FBP1: variants seen among roughly 807,000 people sequenced by gnomAD.
FBP1 encodes fructose-1,6-bisphosphatase 1.
A neutral mutation model predicts 29.9 loss-of-function variants in FBP1; 22 were observed. The observed-to-expected ratio is 0.74, with a 90% confidence interval of 0.53 to 1.05. The LOEUF is 1.05. FBP1 is among the 50% of genes least tolerant of loss of function. The pLI is 0.00. For synonymous variants in FBP1, 175 were observed against 178.6 expected, an observed-to-expected ratio of 0.98 and a Z score of 0.16; for missense variants, 345 against 448.2, an observed-to-expected ratio of 0.77 and a Z score of 2.08.
chr9:94,606,851 G>A lies in FBP1; in HGVS notation c.669C>T (p.Ala223=), dbSNP rs923972304. The part of the protein sequence containing the change: ...NEGYARDFDP[A]VTEYIQRKKF... ...TCTTCCTCTGGATGTACTCAGTGAC[G>A]GCAGGGTCAAAGTCCCTGGCGTAGC... is the stretch of plus-strand genomic sequence containing the variant. The change falls in exon 5 of 7, where the codon GCC becomes GCT. Residue 223 remains alanine (A), a synonymous_variant. Transcript: ENST00000375326. The A allele has an allele frequency of 1.1e-5, 18 of 1,613,844 alleles. No homozygotes were observed. Among genetic ancestry groups the A allele is most frequent in the Middle Eastern group, 3.3e-4 (2 of 6,064 alleles).
chr9:94,629,337 C>T (rs1828070121), intron 1 of FBP1, among the ~76,000 whole-genome samples: 1 of 152,090 alleles, frequency 6.6e-6, no homozygotes, highest in Admixed American at 6.5e-5. Context: ...CTGCTCGTGC[C>T]CTTCACAGAT....
At chr9:94,621,074 T>G (rs1430110574) in intron 1 of FBP1, among the ~76,000 whole-genome samples, 7 of 150,278 alleles carry the variant, frequency 4.7e-5, no homozygotes, top group African/African-American at 1.7e-4. Flanking sequence ...AGTAGCCGGG[T>G]GTGGTGGTGG....
At chr9:94,633,476 AC>A (rs928388270) in intron 1 of FBP1, among the ~76,000 whole-genome samples, 3 of 151,994 alleles carry the variant, frequency 2.0e-5, no homozygotes, top group African/African-American at 7.3e-5. Context: ...TCCCCAATGT[AC>A]CCACAATTTC....
At chr9:94,610,197 A>G (rs921536272) in intron 3 of FBP1, 136 bp from the exon 4 acceptor site, 2 of 835,520 alleles carry the variant, frequency 2.4e-6, no homozygotes, top group Non-Finnish European at 3.9e-6. Context: ...GCCTTCCCCT[A>G]CACATCAGCA....
At chr9:94,639,570 C>G (rs931222153), upstream of FBP1, 1 of 577,876 alleles carries the variant, frequency 1.7e-6, no homozygotes, top group Non-Finnish European at 3.1e-6. Context: ...GGTCGGCCCC[C>G]CGCCCCCGGG....
At chr9:94,639,692 G>T (rs1828257166), upstream of FBP1, among the ~76,000 whole-genome samples, 1 of 117,628 alleles carries the variant, frequency 8.5e-6, no homozygotes, top group East Asian at 2.7e-4. Flanking sequence ...GCCCCCACGC[G>T]CCCTGCCGCC....
chr9:94,630,722 C>A (rs192676874), intron 1 of FBP1, among the ~76,000 whole-genome samples: 4 of 152,184 alleles, frequency 2.6e-5, no homozygotes, highest in African/African-American at 9.7e-5. Flanking sequence ...CACAACCATG[C>A]GGAGAAGCAA....
intron 5 of FBP1, 78 bp downstream of exon 5, chr9:94,606,737 G>T: frequency 2.8e-6 from 4 of 1,442,346 alleles, no homozygotes; most frequent in Non-Finnish European, 3.8e-6. Flanking sequence ...TCATCTCCGG[G>T]GGATGCCCCT....
chr9:94,625,566 C>A (rs963690466), intron 1 of FBP1, among the ~76,000 whole-genome samples: 2 of 152,116 alleles, frequency 1.3e-5, no homozygotes, highest in South Asian at 2.1e-4. Flanking sequence ...GAGGCCGAGG[C>A]GAGCGGATCA....
At chr9:94,639,030 G>C in intron 1 of FBP1, 111 bp downstream of exon 1, 1 of 1,084,308 alleles carries the variant, frequency 9.2e-7, no homozygotes, top group Non-Finnish European at 1.4e-6. Flanking sequence ...GACATCAGAC[G>C]GACAGACAGA....
At chr9:94,629,856 G>T (rs1828077256) in intron 1 of FBP1, among the ~76,000 whole-genome samples, 1 of 152,208 alleles carries the variant, frequency 6.6e-6, no homozygotes, top group South Asian at 2.1e-4. Context: ...AGAGGCCTGG[G>T]CCCAACCTGC....
At chr9:94,615,961 G>A (rs1827856090) in intron 3 of FBP1, among the ~76,000 whole-genome samples, 1 of 151,786 alleles carries the variant, frequency 6.6e-6, no homozygotes, top group Admixed American at 6.6e-5. Context: ...CTGAGTACCT[G>A]GGACTACAGG....
intron 1 of FBP1, among the ~76,000 whole-genome samples, chr9:94,632,838 G>A (rs1828124058): frequency 1.3e-5 from 2 of 152,204 alleles, no homozygotes; most frequent in Admixed American, 6.5e-5. Flanking sequence ...CCTCACAGAC[G>A]TTGAATGGCA....
intron 1 of FBP1, among the ~76,000 whole-genome samples, chr9:94,637,147 C>G (rs1259553363): frequency 6.6e-6 from 1 of 152,116 alleles, no homozygotes; most frequent in Non-Finnish European, 1.5e-5. Context: ...CCAGAGGCAA[C>G]AGTAATGGAG....
At chr9:94,618,461 A>T (rs1013767938) in intron 2 of FBP1, among the ~76,000 whole-genome samples, 1,741 of 15,560 alleles carry the variant, frequency 0.11, 24 homozygotes, top group South Asian at 0.2. Flanking sequence ...TCTGTAAAAA[A>T]AAAAAAAAAA....
intron 3 of FBP1, among the ~76,000 whole-genome samples, chr9:94,612,875 C>A (rs777808385): frequency 6.6e-6 from 1 of 152,140 alleles, no homozygotes; most frequent in African/African-American, 2.4e-5. Flanking sequence ...CTCAGCAATG[C>A]ATGCCTTTCC....
chr9:94,635,078 C>T (rs1049219542), intron 1 of FBP1, among the ~76,000 whole-genome samples: 8 of 115,568 alleles, frequency 6.9e-5, no homozygotes, highest in Non-Finnish European at 1.4e-4. Context: ...GAGAGTGAGG[C>T]CCTGTCTCAA....
intron 1 of FBP1, among the ~76,000 whole-genome samples, chr9:94,627,386 T>C (rs1828041868): frequency 6.6e-6 from 1 of 152,138 alleles, no homozygotes; most frequent in Admixed American, 6.6e-5. Flanking sequence ...ATTATAAATG[T>C]CTGCCTGCTG....
chr9:94,611,600 T>G (rs921919271), intron 3 of FBP1, among the ~76,000 whole-genome samples: 4 of 151,806 alleles, frequency 2.6e-5, no homozygotes, highest in Non-Finnish European at 4.4e-5. Context: ...GAAAAAAAAT[T>G]TTTTTTTAAT....
Sources: gnomAD v4.1 joint callset for allele counts (sites outside exome capture counted in the v4.1 genomes callset) on GRCh38, gnomAD v4.1.1 for gene constraint, MANE v1.5 for transcripts, NCBI Gene and HGNC (gene_info 2026-07-23, HGNC 2026-07-21) for gene names.